The following ECPAS variants were observed in gnomAD, a reference collection of about 807,000 sequenced individuals.
ECPAS encodes the protein proteasome adapter and scaffold protein ECM29.
A neutral mutation model predicts 255.1 loss-of-function variants in ECPAS; 70 were observed. The ratio of observed to expected loss-of-function variants is 0.27; its 90% CI spans 0.23 to 0.33. ECPAS has a LOEUF of 0.33. Among genes scored for constraint, ECPAS ranks in the 10% least tolerant of loss-of-function variants. The pLI is 1.00. For missense variants in ECPAS, 1,817 were observed against 2,206.4 expected (o/e 0.82, Z 3.54); for synonymous variants, 784 against 775.0 (o/e 1.01, Z -0.19).
In ECPAS at chr9:111,363,644, G is replaced by A; in HGVS notation, c.5324C>T (p.Ser1775Leu). The A allele has an allele frequency of 1.3e-6, 2 of 1,528,702 alleles. No individual in the cohort carries two copies. The highest frequency in any genetic ancestry group is 1.4e-5 in the African/African-American group (1 of 70,060). 94.7% of individuals were successfully genotyped at this position (1,528,702 alleles called of 1,614,324 possible). A position where few individuals can be genotyped will look rare whatever the true frequency, so the allele number is the denominator to read the frequency against. The stretch of plus-strand genomic sequence containing the variant: ...AGATAAAGCTTCTGTTCTCACAGAT[G>A]AGTAGGTCTTATTTTCTAAAAAGAA... ...ITYSLENKTY[S>L]SVRTEALSVI... The change falls in exon 49 of 50, where the codon TCA becomes TTA. Residue 1775 changes from serine to leucine, a missense_variant. Coordinates refer to ENST00000684092, the MANE Select transcript of ECPAS (RefSeq NM_001364929.1).
chr9:111,464,369 G>A (rs564863856), intron 2 of ECPAS, among the ~76,000 whole-genome samples: 5 of 150,418 alleles, frequency 3.3e-5, no homozygotes, highest in South Asian at 2.1e-4. Context: ...CCTTAAGCCT[G>A]CAATGAGTTG....
chr9:111,469,143 A>G (rs2098283190), intron 2 of ECPAS, among the ~76,000 whole-genome samples: 1 of 152,176 alleles, frequency 6.6e-6, no homozygotes, highest in South Asian at 2.1e-4. Flanking sequence ...AGGCTGAGGC[A>G]GGAGAAATCA....
At chr9:111,408,402 G>GCTA (rs2098188535) in intron 24 of ECPAS, among the ~76,000 whole-genome samples, 169 bp downstream of exon 24, 1 of 151,872 alleles carries the variant, frequency 6.6e-6, no homozygotes, top group Non-Finnish European at 1.5e-5. Flanking sequence ...TTTAGTCAAT[G>GCTA]CTATACCTAG....
At chr9:111,364,987 G>A (rs2098118496) in intron 48 of ECPAS, among the ~76,000 whole-genome samples, 1 of 152,170 alleles carries the variant, frequency 6.6e-6, no homozygotes, top group Non-Finnish European at 1.5e-5. Flanking sequence ...CCAGATTGAA[G>A]GAGACTAAAA....
chr9:111,419,970 A>G, intron 16 of ECPAS, 47 bp downstream of exon 16: 2 of 1,337,836 alleles, frequency 1.5e-6, no homozygotes, highest in Non-Finnish European at 2.1e-6. Context: ...ATTTTCAAAT[A>G]AATTCAAAAT....
intron 3 of ECPAS, among the ~76,000 whole-genome samples, chr9:111,448,702 A>C (rs1157599374): frequency 6.6e-6 from 1 of 152,240 alleles, no homozygotes; most frequent in Non-Finnish European, 1.5e-5. Flanking sequence ...CTTTTCTTAC[A>C]AACATTAGAA....
chr9:111,384,363 C>T (rs1278904094), intron 34 of ECPAS, among the ~76,000 whole-genome samples, 159 bp downstream of exon 34: 1 of 152,214 alleles, frequency 6.6e-6, no homozygotes, highest in South Asian at 2.1e-4. Context: ...GCAGTGTTTA[C>T]AGCACTCACT....
At chr9:111,482,865 C>A (rs2098308417) in intron 1 of ECPAS, among the ~76,000 whole-genome samples, 1 of 152,120 alleles carries the variant, frequency 6.6e-6, no homozygotes, top group Non-Finnish European at 1.5e-5. Context: ...CCACCGCTCT[C>A]CCCAGACAGG....
At chr9:111,390,661 G>A (rs1242381299) in intron 29 of ECPAS, among the ~76,000 whole-genome samples, 1 of 152,148 alleles carries the variant, frequency 6.6e-6, no homozygotes, top group East Asian at 1.9e-4. Context: ...GTACTGTGGG[G>A]GAACGTCAAC....
At chr9:111,416,137 C>A in intron 18 of ECPAS, 135 bp downstream of exon 18, 4 of 576,730 alleles carry the variant, frequency 6.9e-6, no homozygotes, top group South Asian at 5.4e-5. Context: ...TTTAAATAAA[C>A]AACCCGATGA....
chr9:111,472,446 C>A (rs1312115504), intron 2 of ECPAS, among the ~76,000 whole-genome samples: 1 of 151,886 alleles, frequency 6.6e-6, no homozygotes, highest in African/African-American at 2.4e-5. Context: ...AGTTCGAGAC[C>A]AGCCTTCATG....
rs1172957815 is a variant in ECPAS, at chr9:111,430,559, C to T, written c.918G>A (p.Leu306=). The change falls in exon 9 of 50, where the codon CTG becomes CTA. Residue 306 remains leucine (L), a synonymous_variant. Transcript: ENST00000684092. Reference sequence around the variant, plus strand: ...CAAAACAACCTACCTCTTTTGTCTTCAGTGGTATATCTCCAAGGTACACCT... The same window carrying T: ...CAAAACAACCTACCTCTTTTGTCTTTAGTGGTATATCTCCAAGGTACACCT... ...MYKVYLGDIP[L]KTKEGAVLKP... is the part of the protein sequence containing the mutation. The T allele has an allele frequency of 6.3e-7, 1 of 1,589,756 alleles. No homozygotes were observed. The highest frequency in any genetic ancestry group is 8.6e-7 in the Non-Finnish European group (1 of 1,163,096).
intron 31 of ECPAS, among the ~76,000 whole-genome samples, chr9:111,387,175 G>C (rs1465322570): frequency 6.6e-6 from 1 of 151,926 alleles, no homozygotes; most frequent in Non-Finnish European, 1.5e-5. Flanking sequence ...CTCATCATCA[G>C]TGCAGTTATT....
intron 2 of ECPAS, among the ~76,000 whole-genome samples, chr9:111,466,759 G>A (rs919507487): frequency 1.3e-5 from 2 of 151,926 alleles, no homozygotes; most frequent in Non-Finnish European, 2.9e-5. Context: ...CTCAGCCTTG[G>A]AAGTAGCTAG....
chr9:111,444,451 C>A lies in ECPAS; in HGVS notation c.197G>T (p.Arg66Leu), dbSNP rs372926033. The A allele has an allele frequency of 3.1e-6, 5 of 1,613,758 alleles. No individual in the cohort carries two copies. Among genetic ancestry groups the A allele is most frequent in the Non-Finnish European group, 4.2e-6 (5 of 1,179,796 alleles). The change falls in exon 4 of 50, where the codon CGC (arginine) becomes CTC (leucine). Residue 66 changes from arginine to leucine, a missense_variant. This residue lies in a region of ECPAS where 90 missense variants were observed against 158.5 expected (regional missense o/e 0.57). Transcript: ENST00000684092. ...LVHLNKRIKS[R>L]PKIQLPVETL... ...CTCTACTGGAAGTTGTATTTTGGGG[C>A]GGCTTTTTATACGTTTATTCAGATG...
At chr9:111,443,494 T>C (rs1394838349) in intron 4 of ECPAS, among the ~76,000 whole-genome samples, 3 of 152,170 alleles carry the variant, frequency 2.0e-5, no homozygotes, top group African/African-American at 7.2e-5. Flanking sequence ...CATGATCAGC[T>C]GGCCTCAACC....
chr9:111,451,438 CCTT>C lies in ECPAS; in HGVS notation c.137_139del (p.Glu46del). 6.4e-7 allele frequency: 1 copy of C among 1,572,918 alleles called. No homozygotes were observed. The highest frequency in any genetic ancestry group is 8.6e-7 in the Non-Finnish European group (1 of 1,158,320). Reference sequence around the variant, plus strand: ...CAACATGCTTACCTTTTTACGTACTCCTTCTTGGGTGCTAGAGAGTTTGAGCAA... The same window carrying C: ...CAACATGCTTACCTTTTTACGTACTCCTTGGGTGCTAGAGAGTTTGAGCAA... On this transcript the variant is annotated inframe_deletion, in exon 3 of 50. Transcript: ENST00000684092.
At chr9:111,418,059 G>C in intron 16 of ECPAS, 53 bp from the exon 17 acceptor site, 1 of 1,492,562 alleles carries the variant, frequency 6.7e-7, no homozygotes, top group Non-Finnish European at 9.0e-7. Context: ...AATGGGAAAT[G>C]ATCATTTGAA....
chr9:111,389,325 C>A lies in ECPAS; in HGVS notation c.3447+231G>T, dbSNP rs185709861. Among the ~76,000 whole-genome samples, 144 of 152,344 alleles carry A rather than the reference C, an allele frequency of 9.5e-4. 1 individual carries two copies. Among genetic ancestry groups the A allele is most frequent in the African/African-American group, 3.4e-3 (141 of 41,582 alleles). ...AATACATAATCATTTCCTTAACCATCTTCCCAGTGGACATTTATATTGTTT... is the reference window on the plus strand; with the variant it reads ...AATACATAATCATTTCCTTAACCATATTCCCAGTGGACATTTATATTGTTT... On this transcript the variant is annotated intron_variant, in intron 31 of 49. Coordinates refer to ENST00000684092, the MANE Select transcript of ECPAS (RefSeq NM_001364929.1).
Sources: gnomAD v4.1 joint callset for allele counts (sites outside exome capture counted in the v4.1 genomes callset) on GRCh38, gnomAD v4.1.1 for gene constraint, gnomAD v4.1.1 regional missense constraint, MANE v1.5 for transcripts, NCBI Gene and HGNC (gene_info 2026-07-23, HGNC 2026-07-21) for gene names.